The following FILIP1 variants were observed in gnomAD, a reference collection of about 807,000 sequenced individuals.
FILIP1 encodes filamin A interacting protein 1, also known as filamin-A-interacting protein 1.
Under a neutral mutation model 102.1 loss-of-function variants are expected in FILIP1, and 61 were observed. That is an observed-to-expected ratio of 0.60 (90% confidence interval 0.49 to 0.74). FILIP1 has a LOEUF of 0.74. FILIP1 is among the 30% of genes least tolerant of loss of function. The pLI is 0.00. For synonymous variants in FILIP1, 491 were observed against 526.9 expected (o/e 0.93, Z 0.93); for missense variants, 1,314 against 1,441.2 (o/e 0.91, Z 1.43).
At chr6:75,440,467 A>G (rs1219878167) in intron 1 of FILIP1, among the ~76,000 whole-genome samples, 1 of 152,202 alleles carries the variant, frequency 6.6e-6, no homozygotes. Flanking sequence ...ATTAAACAAC[A>G]TTTGTAGTAT....
At chr6:75,370,067 T>TG (rs1775464159) in intron 2 of FILIP1, among the ~76,000 whole-genome samples, 1 of 152,260 alleles carries the variant, frequency 6.6e-6, no homozygotes, top group Non-Finnish European at 1.5e-5. Context: ...TCTATGCTTA[T>TG]GGAAGAATGA....
At chr6:75,406,846 G>A (rs1296768784) in intron 2 of FILIP1, among the ~76,000 whole-genome samples, 1 of 151,954 alleles carries the variant, frequency 6.6e-6, no homozygotes, top group Non-Finnish European at 1.5e-5. Flanking sequence ...TTTTAGTAGA[G>A]ACAGGGTTTC....
chr6:75,375,515 T>C (rs1167632670), intron 2 of FILIP1, among the ~76,000 whole-genome samples: 1 of 152,130 alleles, frequency 6.6e-6, no homozygotes, highest in African/African-American at 2.4e-5. Context: ...GTGGGTCATT[T>C]TCTGGGGTCT....
At chr6:75,444,041 G>C (rs1195988495) in intron 1 of FILIP1, among the ~76,000 whole-genome samples, 2 of 152,162 alleles carry the variant, frequency 1.3e-5, no homozygotes, top group Non-Finnish European at 1.5e-5. Context: ...ATAAATAGAA[G>C]AGGTAACAAT....
intron 1 of FILIP1, among the ~76,000 whole-genome samples, chr6:75,492,295 T>C (rs1779984837): frequency 6.6e-6 from 1 of 152,208 alleles, no homozygotes. Context: ...ACATTCTTAT[T>C]TGTCAACAAA....
At chr6:75,335,857 T>C (rs990336425) in intron 4 of FILIP1, among the ~76,000 whole-genome samples, 4 of 152,178 alleles carry the variant, frequency 2.6e-5, no homozygotes, top group African/African-American at 9.7e-5. Flanking sequence ...CTTTCTTACA[T>C]CCCTAATGTT....
intron 1 of FILIP1, among the ~76,000 whole-genome samples, chr6:75,426,274 T>C (rs1298886402): frequency 1.3e-5 from 2 of 152,132 alleles, no homozygotes; most frequent in Non-Finnish European, 2.9e-5. Context: ...TGCCACTTCT[T>C]CTCTTCCAGA....
In FILIP1 at chr6:75,372,611, GAAAGAAAGAA is replaced by G. The variant is rs1171573869; in HGVS notation, c.277-9704_277-9695del. 6.5e-3 allele frequency among the ~76,000 whole-genome samples: 664 copies of G among 102,010 alleles called. 6 individuals carry two copies. Among genetic ancestry groups the G allele is most frequent in the Admixed American group, 8.4e-3 (72 of 8,576 alleles). The allele number at this position is 102,010 out of a possible 152,430, so 66.9% of individuals were successfully genotyped here. On this transcript the variant is annotated intron_variant, in intron 2 of 5. Transcript: ENST00000237172. ...ACAGGATGGCTATCAAGAAAAGAAA[GAAAGAAAGAA>G]AAAGAAAGAAAGAAAGAAAGAAAGA...
chr6:75,415,380 T>C (rs1396675715), intron 1 of FILIP1, among the ~76,000 whole-genome samples: 1 of 151,478 alleles, frequency 6.6e-6, no homozygotes, highest in African/African-American at 2.4e-5. Flanking sequence ...CTAAAACTGT[T>C]CTGAAATAAA....
rs563062044 is a variant in FILIP1 at position 75,353,323 on chromosome 6, C to T, written c.629+216G>A. ...TTTAACATCCTTGTTGGGAATGTGA[C>T]GCCCTACCTATATGCAACCCCCAAA... On this transcript the variant is annotated intron_variant, in intron 4 of 5. Transcript: ENST00000237172. Among the ~76,000 whole-genome samples the T allele has an allele frequency of 5.9e-5, 9 of 152,276 alleles. No homozygotes were observed. The East Asian group carries it at 1.3e-3, about 23-fold the overall frequency.
chr6:75,382,889 TCA>T (rs1775950997), intron 2 of FILIP1, among the ~76,000 whole-genome samples: 1 of 152,182 alleles, frequency 6.6e-6, no homozygotes, highest in Non-Finnish European at 1.5e-5. Context: ...GTGAAAGGCT[TCA>T]GTTTATCAGC....
chr6:75,377,833 T>C (rs1393003650), intron 2 of FILIP1, among the ~76,000 whole-genome samples: 2 of 152,236 alleles, frequency 1.3e-5, no homozygotes, highest in Non-Finnish European at 2.9e-5. Flanking sequence ...TTCCAAGAGA[T>C]ATTGACTTAT....
In FILIP1 at chr6:75,318,990, T is replaced by A. The variant is rs373465017; in HGVS notation, c.630-3788A>T. The A allele has an allele frequency of 5.4e-4, 338 of 624,598 alleles. 3 individuals carry two copies. The highest frequency in any genetic ancestry group is 5.4e-3 in the South Asian group (313 of 57,882). The allele number at this position is 624,598 out of a possible 1,614,324, so 38.7% of individuals were successfully genotyped here. A position where few individuals can be genotyped will look rare whatever the true frequency, so the allele number is the denominator to read the frequency against. ...GTGAGTTGTGTACAGGGAGGTTAAA[T>A]GCTTTATAGACATGAAAAAAAACTG... On this transcript the variant is annotated intron_variant, in intron 4 of 5. Transcript: ENST00000237172.
chr6:75,430,368 TAA>T (rs1367948195), intron 1 of FILIP1, among the ~76,000 whole-genome samples: 10 of 152,120 alleles, frequency 6.6e-5, no homozygotes, highest in Admixed American at 3.3e-4. Context: ...AGTTGATAAA[TAA>T]AAAAGTTAAT....
chr6:75,308,048 A>G, downstream of FILIP1: 3 of 985,878 alleles, frequency 3.0e-6, no homozygotes, highest in Non-Finnish European at 3.6e-6. Context: ...CTTCTACAAT[A>G]CACACAGACA....
intron 2 of FILIP1, among the ~76,000 whole-genome samples, chr6:75,413,784 GAA>G (rs35853449): frequency 8.1e-5 from 11 of 136,622 alleles, no homozygotes; most frequent in Admixed American, 7.4e-5. Flanking sequence ...TCTTCTCCAG[GAA>G]AAAAAAAAAA....
intron 1 of FILIP1, among the ~76,000 whole-genome samples, chr6:75,459,094 A>G (rs1778935667): frequency 6.6e-6 from 1 of 152,202 alleles, no homozygotes. Flanking sequence ...AGCAAGCAAC[A>G]TGGCTCATCT....
chr6:75,301,390 A>ATT (rs1772832742), intron 6 of FILIP1, among the ~76,000 whole-genome samples: 1 of 152,146 alleles, frequency 6.6e-6, no homozygotes, highest in African/African-American at 2.4e-5. Context: ...TGAAGAACTG[A>ATT]TTTTTGGTCC....
At chr6:75,364,777 T>C (rs921660497) in intron 2 of FILIP1, among the ~76,000 whole-genome samples, 1 of 152,216 alleles carries the variant, frequency 6.6e-6, no homozygotes, top group Non-Finnish European at 1.5e-5. Flanking sequence ...GCAACTAAAT[T>C]GAATACAAAT....
Sources: allele counts gnomAD v4.1 joint callset (sites outside exome capture counted in the v4.1 genomes callset), GRCh38; gene constraint gnomAD v4.1.1; transcripts MANE v1.5; gene names NCBI Gene and HGNC (gene_info 2026-07-23, HGNC 2026-07-21).